The following DNAH9 variants were observed in gnomAD, a reference collection of about 807,000 sequenced individuals.
DNAH9 encodes DNAH9 variant protein.
A neutral mutation model predicts 471.6 loss-of-function variants in DNAH9; 345 were observed. That is an observed-to-expected ratio of 0.73 (90% CI 0.67 to 0.80). The LOEUF (loss-of-function observed/expected upper bound fraction) is 0.80, where lower values mean the gene tolerates loss of function less well. Ranked by LOEUF, DNAH9 falls within the 30% of genes least tolerant of loss-of-function variation. The pLI is 0.00. For missense variants in DNAH9, 5,407 were observed against 5,609.2 expected, an observed-to-expected ratio of 0.96 and a Z score of 1.15; for synonymous variants, 2,093 against 2,123.6, an observed-to-expected ratio of 0.99 and a Z score of 0.40.
At chr17:11,642,910 A>T (rs2150688722) in intron 10 of DNAH9, among the ~76,000 whole-genome samples, 1 of 152,348 alleles carries the variant, frequency 6.6e-6, no homozygotes, top group Non-Finnish European at 1.5e-5. Context: ...GGGGAAAAAA[A>T]AACGCCAGCA....
At chr17:11,901,467 G>A (rs12601306) in intron 59 of DNAH9, among the ~76,000 whole-genome samples, 10,831 of 152,170 alleles carry the variant, frequency 0.071, 442 homozygotes, top group East Asian at 0.19. Context: ...AGGTCGAGGC[G>A]GGTGGATCGC....
intron 19 of DNAH9, among the ~76,000 whole-genome samples, chr17:11,686,662 G>C (rs553979948): frequency 6.6e-5 from 10 of 152,118 alleles, no homozygotes; most frequent in Admixed American, 5.2e-4. Context: ...AAATTATGCC[G>C]CAGGGTGGAT....
At chr17:11,818,200 G>A (rs62060896) in intron 45 of DNAH9, among the ~76,000 whole-genome samples, 77,817 of 152,028 alleles carry the variant, frequency 0.51, 21,030 homozygotes, top group Non-Finnish European at 0.59. Flanking sequence ...GGAGGCCGAG[G>A]CAGGCGGATC....
intron 67 of DNAH9, among the ~76,000 whole-genome samples, chr17:11,951,070 T>A (rs1343964998): frequency 6.6e-6 from 1 of 152,194 alleles, no homozygotes; most frequent in Non-Finnish European, 1.5e-5. Context: ...TATCTTTCCA[T>A]AGATGCACCC....
intron 48 of DNAH9, among the ~76,000 whole-genome samples, chr17:11,828,051 G>T (rs180851275): frequency 6.6e-6 from 1 of 152,108 alleles, no homozygotes; most frequent in African/African-American, 2.4e-5. Flanking sequence ...TCCTTTCAAA[G>T]CGCTACTGCT....
rs529832645 is a variant in DNAH9 at position 11,942,279 on chromosome 17, G to A, written c.12661-24G>A. 2.1e-4 allele frequency: 345 copies of A among 1,609,560 alleles called. 1 individual carries two copies. The highest frequency in any genetic ancestry group is 1.7e-3 in the South Asian group (158 of 90,562). On this transcript the variant is annotated intron_variant, in intron 66 of 68. Transcript: ENST00000262442. Reference sequence around the variant, plus strand: ...CTGGAGAATAGAGCCCTTTCTTAACGCTGTGTTTCCTTCTGTGGGGCAGGT... The same window carrying A: ...CTGGAGAATAGAGCCCTTTCTTAACACTGTGTTTCCTTCTGTGGGGCAGGT...
intron 22 of DNAH9, 113 bp downstream of exon 22, chr17:11,694,560 G>C: frequency 8.6e-7 from 1 of 1,161,994 alleles, no homozygotes; most frequent in Non-Finnish European, 1.2e-6. Flanking sequence ...CTGTACTTCA[G>C]ACCTGTCTGT....
chr17:11,955,443 G>A (rs11078046), intron 67 of DNAH9, among the ~76,000 whole-genome samples: 62,496 of 151,864 alleles, frequency 0.41, 14,228 homozygotes, highest in Middle Eastern at 0.55. Context: ...AAATATAAAC[G>A]GCTTAAGTGC....
At position 11,942,327 on chromosome 17, in the gene DNAH9, T is replaced by C. The variant is rs199754190; in HGVS notation, c.12685T>C (p.Leu4229=). ...GGTCAAGGCACTTCTGGAAGAAATATTGGAGCGGGTGACAGACGAGTTTAA... is the reference window on the plus strand; with the variant it reads ...GGTCAAGGCACTTCTGGAAGAAATACTGGAGCGGGTGACAGACGAGTTTAA... The part of the protein sequence containing the change: ...EKVKALLEEI[L]ERVTDEFNIP... The change falls in exon 67 of 69, where the codon TTG becomes CTG. Residue 4229 remains leucine (L), a synonymous_variant. Transcript: ENST00000262442. 6.2e-6 allele frequency: 10 copies of C among 1,614,076 alleles called. No homozygotes were observed. Among genetic ancestry groups the C allele is most frequent in the East Asian group, 2.2e-5 (1 of 44,882 alleles).
intron 43 of DNAH9, among the ~76,000 whole-genome samples, chr17:11,803,962 AC>A (rs1458560013): frequency 6.6e-6 from 1 of 152,082 alleles, no homozygotes; most frequent in Non-Finnish European, 1.5e-5. Context: ...AAAGCAGATA[AC>A]CCCTTGCACC....
At chr17:11,708,008 CACACACAGAGAG>C (rs1158555203) in intron 26 of DNAH9, among the ~76,000 whole-genome samples, 165 of 47,084 alleles carry the variant, frequency 3.5e-3, no homozygotes, top group African/African-American at 9.5e-3. Context: ...CACACACACA[CACACACAGAGAG>C]AGAGAGAGAG....
At chr17:11,632,554 C>A in intron 7 of DNAH9, 33 bp from the exon 8 acceptor site, 1 of 1,115,626 alleles carries the variant, frequency 9.0e-7, no homozygotes, top group Non-Finnish European at 1.4e-6. Context: ...CAGAAAATTA[C>A]GTTTTCCTTA....
chr17:11,879,218 A>G (rs149148344), intron 53 of DNAH9, among the ~76,000 whole-genome samples: 1 of 152,260 alleles, frequency 6.6e-6, no homozygotes, highest in East Asian at 1.9e-4. Flanking sequence ...CATAAAAAAC[A>G]AAGAAATAAA....
chr17:11,820,438 A>G (rs1233730863), intron 45 of DNAH9, among the ~76,000 whole-genome samples: 2 of 152,158 alleles, frequency 1.3e-5, no homozygotes, highest in Non-Finnish European at 2.9e-5. Context: ...GTTTTAATAT[A>G]CATTTTCATT....
intron 65 of DNAH9, among the ~76,000 whole-genome samples, chr17:11,934,508 C>T (rs1439871098): frequency 7.5e-6 from 1 of 133,418 alleles, no homozygotes; most frequent in Non-Finnish European, 1.5e-5. Flanking sequence ...TGCAGTGGCG[C>T]TATCTCTGCT....
chr17:11,753,860 A>T (rs527880062), intron 33 of DNAH9, among the ~76,000 whole-genome samples: 1 of 152,278 alleles, frequency 6.6e-6, no homozygotes, highest in African/African-American at 2.4e-5. Context: ...CAGGTTTGTT[A>T]CGTAGGCAAA....
At chr17:11,894,006 G>A (rs1284136615) in intron 58 of DNAH9, among the ~76,000 whole-genome samples, 5 of 152,214 alleles carry the variant, frequency 3.3e-5, no homozygotes, top group East Asian at 3.9e-4. Flanking sequence ...TCTAGCTGCC[G>A]TATATCCATA....
intron 19 of DNAH9, among the ~76,000 whole-genome samples, chr17:11,686,174 A>C (rs963482367): frequency 7.9e-5 from 12 of 152,202 alleles, no homozygotes; most frequent in Middle Eastern, 3.4e-3. Flanking sequence ...CGGTACTGAG[A>C]TTCCCATTTA....
rs768373327 is a variant in DNAH9, at chr17:11,752,974, G to A, written c.6738+14G>A. The A allele has an allele frequency of 1.5e-5, 23 of 1,570,236 alleles. No individual in the cohort carries two copies. In the East Asian group the frequency reaches 4.3e-4, roughly 29 times the overall value. ...GATGATAACAAGGTATGAAATTGGG[G>A]GATATCCCTAGATCATTTCTAATCA... On this transcript the variant is annotated intron_variant, in intron 33 of 68. Coordinates refer to ENST00000262442, the MANE Select transcript of DNAH9 (RefSeq NM_001372.4).
Sources: gnomAD v4.1 joint callset for allele counts (sites outside exome capture counted in the v4.1 genomes callset) on GRCh38, gnomAD v4.1.1 for gene constraint, MANE v1.5 for transcripts, NCBI Gene and HGNC (gene_info 2026-07-23, HGNC 2026-07-21) for gene names.